Variants in TNIP1 observed in about 807,000 individuals in gnomAD.
The protein encoded by TNIP1 is TNFAIP3-interacting protein 1.
Under a neutral mutation model 86.6 loss-of-function variants are expected in TNIP1, and 22 were observed. The observed-to-expected ratio is 0.25, with a 90% CI of 0.18 to 0.36. The LOEUF (loss-of-function observed/expected upper bound fraction) is 0.36. Among genes scored for constraint, TNIP1 ranks in the 10% least tolerant of loss-of-function variants. The pLI, the probability that TNIP1 is intolerant of heterozygous loss-of-function variation, is 1.00. For missense variants in TNIP1, 709 were observed against 820.6 expected (o/e 0.86, Z 1.66); for synonymous variants, 294 against 313.0 (o/e 0.94, Z 0.64).
In TNIP1 at chr5:151,033,787, G is replaced by A; in HGVS notation, c.1600C>T (p.Arg534Cys). Residue 534 changes from arginine (R) to cysteine (C), a missense_variant, in exon 16 of 18, where the codon CGT becomes TGT. Transcript: ENST00000521591. ...QKRKAKASGE[R>C]YHVEPHPEHL... ...TCTGGGTGGGGCTCCACATGGTAAC[G>A]CTCTCCTGAGGCCTGCAAGAAAGGC... The A allele has an allele frequency of 3.6e-6, 5 of 1,370,130 alleles. No homozygotes were observed. The highest frequency in any genetic ancestry group is 4.7e-6 in the Non-Finnish European group (5 of 1,055,606). The allele number at this position is 1,370,130 out of a possible 1,614,324, so 84.9% of individuals were successfully genotyped here.
intron 4 of TNIP1, 28 bp from the exon 5 acceptor site, chr5:151,060,423 C>T: frequency 6.2e-7 from 1 of 1,612,226 alleles, no homozygotes. Context: ...TAGGTGCTGC[C>T]CGAGAGAAAA....
chr5:151,035,938 G>C (rs2113297940), intron 13 of TNIP1, among the ~76,000 whole-genome samples: 1 of 152,276 alleles, frequency 6.6e-6, no homozygotes, highest in African/African-American at 2.4e-5. Context: ...TTGAACAAAG[G>C]ATATATGGTT....
At chr5:151,076,351 TAGC>T in intron 1 of TNIP1, among the ~76,000 whole-genome samples, 1 of 152,158 alleles carries the variant, frequency 6.6e-6, no homozygotes, top group East Asian at 1.9e-4. Flanking sequence ...TGTGGGGGCA[TAGC>T]AGCAAGAATC....
rs886176293 is a variant in TNIP1, at chr5:151,030,560, G to A, written c.*153C>T. The A allele has an allele frequency of 2.4e-5, 30 of 1,256,448 alleles. 2 individuals carry two copies. The highest frequency in any genetic ancestry group is 1.3e-4 in the East Asian group (5 of 39,514). 77.8% of individuals were successfully genotyped at this position (1,256,448 alleles called of 1,614,324 possible). The stretch of plus-strand genomic sequence containing the variant: ...CCTCCCCAGTCCTGTAAACAGCTCA[G>A]TTCAGGGACTGGTGTACAAGCTGGC... On this transcript the variant is annotated 3_prime_UTR_variant, in exon 18 of 18. Coordinates refer to ENST00000521591, the MANE Select transcript of TNIP1 (RefSeq NM_006058.5).
intron 3 of TNIP1, among the ~76,000 whole-genome samples, chr5:151,063,022 C>T (rs1761779499): frequency 6.6e-6 from 1 of 152,224 alleles, no homozygotes; most frequent in South Asian, 2.1e-4. Flanking sequence ...GAGTAATGCA[C>T]ACTCTGTACG....
Position 151,030,649 on chromosome 5 carries a change from C to T in TNIP1, c.*64G>A, listed in dbSNP as rs2233312. On this transcript the variant is annotated 3_prime_UTR_variant, in exon 18 of 18. Coordinates refer to ENST00000521591, the MANE Select transcript of TNIP1 (RefSeq NM_006058.5). ...ACACCGTGCAAGTGGCTTCTAGTTT[C>T]TTGGCAATCTGAGATCAGCTGGCTC... 2.2e-3 allele frequency: 3,570 copies of T among 1,612,662 alleles called. 72 individuals are homozygous for T. In the African/African-American group the frequency reaches 0.042, roughly 19 times the overall value.
intron 7 of TNIP1, among the ~76,000 whole-genome samples, chr5:151,051,298 G>T (rs964991509): frequency 6.6e-6 from 1 of 152,096 alleles, no homozygotes; most frequent in African/African-American, 2.4e-5. Context: ...ATAAGAAACA[G>T]GAGAGGAGGG....
chr5:151,035,541 A>C (rs774114863), intron 14 of TNIP1, 41 bp downstream of exon 14: 1 of 1,613,896 alleles, frequency 6.2e-7, no homozygotes, highest in Admixed American at 1.7e-5. Context: ...TCTCCCCACG[A>C]GGACAGGCCA....
At chr5:151,084,928 A>T (rs2113868730), upstream of TNIP1, among the ~76,000 whole-genome samples, 2 of 152,374 alleles carry the variant, frequency 1.3e-5, no homozygotes, top group African/African-American at 4.8e-5. Context: ...AAATTGTTCT[A>T]GGCAATTGTG....
chr5:151,061,239 G>A (rs1761526856), intron 4 of TNIP1, among the ~76,000 whole-genome samples: 1 of 152,090 alleles, frequency 6.6e-6, no homozygotes, highest in Non-Finnish European at 1.5e-5. Context: ...CCAGAAAGGG[G>A]CAGGATAGAT....
At chr5:151,059,828 A>AGAGAGAGAGAGAGAGAGAGAGTGT (rs1554076446) in intron 5 of TNIP1, among the ~76,000 whole-genome samples, 1 of 56,396 alleles carries the variant, frequency 1.8e-5, no homozygotes, top group Non-Finnish European at 3.2e-5. Flanking sequence ...AGAGAGAGAG[A>AGAGAGAGAGAGAGAGAGAGAGTGT]GTGTGTGTGT....
At chr5:151,060,179 C>T (rs747271785) in intron 5 of TNIP1, 139 bp downstream of exon 5, 4 of 820,210 alleles carry the variant, frequency 4.9e-6, no homozygotes, top group South Asian at 1.6e-5. Context: ...GCACCCTTTG[C>T]TCCTGCCCCT....
At chr5:151,059,864 TGTGCGCGCGCGCGC>T (rs1438502174) in intron 5 of TNIP1, among the ~76,000 whole-genome samples, 3 of 98,682 alleles carry the variant, frequency 3.0e-5, no homozygotes, top group South Asian at 3.2e-4. Context: ...TGTGTGTGTG[TGTGCGCGCGCGCGC>T]GCGCATGCGT....
upstream of TNIP1, chr5:151,087,198 T>C (rs1764309800): frequency 6.6e-6 from 1 of 152,612 alleles, no homozygotes; most frequent in Non-Finnish European, 1.5e-5. Flanking sequence ...AGCTGACTAT[T>C]AGGCAGGAGG....
intron 6 of TNIP1, among the ~76,000 whole-genome samples, chr5:151,053,789 A>G (rs1161119708): frequency 1.3e-5 from 2 of 152,262 alleles, no homozygotes; most frequent in Non-Finnish European, 2.9e-5. Flanking sequence ...TAGGGAAACC[A>G]GGTAAAATGA....
chr5:151,077,931 G>A (rs1350513740), intron 1 of TNIP1, among the ~76,000 whole-genome samples: 1 of 152,194 alleles, frequency 6.6e-6, no homozygotes, highest in Non-Finnish European at 1.5e-5. Flanking sequence ...ATTGTGACTA[G>A]TCTACTAAGT....
intron 13 of TNIP1, among the ~76,000 whole-genome samples, chr5:151,036,436 C>A (rs1157592183): frequency 2.6e-5 from 4 of 152,272 alleles, no homozygotes; most frequent in Middle Eastern, 6.8e-3. Flanking sequence ...TTGTTTATTG[C>A]GTACAGTTAC....
At chr5:151,061,285 A>G (rs575373566) in intron 4 of TNIP1, among the ~76,000 whole-genome samples, 25 of 152,216 alleles carry the variant, frequency 1.6e-4, no homozygotes, top group African/African-American at 5.5e-4. Context: ...GCTGACCCTC[A>G]TGGCCACCAA....
intron 12 of TNIP1, among the ~76,000 whole-genome samples, chr5:151,038,497 G>A (rs959353289): frequency 2.0e-5 from 3 of 152,164 alleles, no homozygotes; most frequent in African/African-American, 7.2e-5. Flanking sequence ...CACTCCGCTT[G>A]GCTCAGACCA....
Sources: gnomAD v4.1 joint callset for allele counts (sites outside exome capture counted in the v4.1 genomes callset) on GRCh38, gnomAD v4.1.1 for gene constraint, MANE v1.5 for transcripts, NCBI Gene and HGNC (gene_info 2026-07-23, HGNC 2026-07-21) for gene names.